The following RALGPS1 variants were observed in gnomAD, a reference collection of about 807,000 sequenced individuals.
RALGPS1 encodes Ral GEF with PH domain and SH3 binding motif 1.
A neutral mutation model predicts 78.8 loss-of-function variants in RALGPS1; 19 were observed. The ratio of observed to expected loss-of-function variants is 0.24; its 90% CI spans 0.17 to 0.35. RALGPS1 has a LOEUF of 0.35. RALGPS1 is among the 10% of genes least tolerant of loss of function. The pLI is 1.00. For missense variants in RALGPS1, 454 were observed against 688.3 expected (o/e 0.66, Z 3.81); for synonymous variants, 228 against 256.3 (o/e 0.89, Z 1.06).
chr9:127,166,252 A>C, intron 9 of RALGPS1, 46 bp downstream of exon 9: 2 of 1,605,494 alleles, frequency 1.2e-6, no homozygotes. Flanking sequence ...CGTCATTGAA[A>C]TTTGGGTCTT....
chr9:127,015,888 TG>T (rs2044769479), intron 4 of RALGPS1, among the ~76,000 whole-genome samples: 1 of 152,090 alleles, frequency 6.6e-6, no homozygotes, highest in East Asian at 1.9e-4. Context: ...CTCCAAAAGA[TG>T]CACCTGATCC....
chr9:126,963,276 A>G (rs1002608109), intron 2 of RALGPS1, among the ~76,000 whole-genome samples: 2 of 152,200 alleles, frequency 1.3e-5, no homozygotes, highest in African/African-American at 4.8e-5. Flanking sequence ...TTTTGTAACT[A>G]GAGGAGTCAG....
chr9:127,030,540 AG>A (rs2046339944), intron 4 of RALGPS1, among the ~76,000 whole-genome samples: 1 of 152,136 alleles, frequency 6.6e-6, no homozygotes, highest in African/African-American at 2.4e-5. Context: ...AGCAGAGAGC[AG>A]GGAAGGCAGG....
In RALGPS1 at chr9:127,091,903, C is replaced by G; in HGVS notation, c.610+22547C>G. 1.2e-6 allele frequency: 2 copies of G among 1,614,142 alleles called. No individual in the cohort carries two copies. Among genetic ancestry groups the G allele is most frequent in the Non-Finnish European group, 1.7e-6 (2 of 1,180,030 alleles). On this transcript the variant is annotated intron_variant, in intron 8 of 18. Transcript: ENST00000259351. The surrounding 1 kb of genome is among the most constrained non-coding windows in gnomAD (Gnocchi z 4.3). The stretch of plus-strand genomic sequence containing the variant: ...CGTCAGCCAGTAAATGTTCTCCAGG[C>G]CCAGCCAGTATTCGCCGTCAATGTT...
chr9:127,148,514 C>A (rs996572099), intron 8 of RALGPS1, among the ~76,000 whole-genome samples: 1 of 152,228 alleles, frequency 6.6e-6, no homozygotes, highest in African/African-American at 2.4e-5. Flanking sequence ...ATGAACAAAC[C>A]TGCTGTGTGC....
intron 8 of RALGPS1, among the ~76,000 whole-genome samples, chr9:127,152,459 G>A (rs1203637670): frequency 6.6e-6 from 1 of 152,218 alleles, no homozygotes; most frequent in African/African-American, 2.4e-5. Context: ...GCAAAAGAGT[G>A]AGTCAGAGCA....
chr9:126,919,892 A>G (rs774415077), intron 1 of RALGPS1, among the ~76,000 whole-genome samples: 3 of 152,130 alleles, frequency 2.0e-5, no homozygotes, highest in African/African-American at 7.2e-5. Flanking sequence ...GCATTGTGTG[A>G]GATCACAGAG....
chr9:127,051,051 C>T (rs897430362), intron 6 of RALGPS1, among the ~76,000 whole-genome samples: 5 of 152,228 alleles, frequency 3.3e-5, no homozygotes, highest in Non-Finnish European at 4.4e-5. Context: ...GAATCGGAGT[C>T]GTGCCTCTCT....
intron 8 of RALGPS1, among the ~76,000 whole-genome samples, chr9:127,078,730 G>A (rs1166897831): frequency 6.6e-6 from 1 of 152,234 alleles, no homozygotes; most frequent in Non-Finnish European, 1.5e-5. Context: ...AACGAGGTAT[G>A]AGCATAAGCC....
In RALGPS1 at chr9:127,211,882, G is replaced by A. The variant is rs1265280717; in HGVS notation, c.1248-249G>A. Among the ~76,000 whole-genome samples, 3 of 152,168 alleles carry A rather than the reference G, an allele frequency of 2.0e-5. No individual in the cohort carries two copies. Among genetic ancestry groups the A allele is most frequent in the Non-Finnish European group, 4.4e-5 (3 of 68,008 alleles). On this transcript the variant is annotated intron_variant, in intron 14 of 18. Coordinates refer to ENST00000259351, the MANE Select transcript of RALGPS1 (RefSeq NM_014636.3). This position sits in a 1 kb window ranked among gnomAD's most constrained non-coding sequence, Gnocchi z 5.0. ...GGTGGGGGTGCTGATCAGGGCCTGGGTTATGAGGAACTTGGTCACCAAGCC... is the reference window on the plus strand; with the variant it reads ...GGTGGGGGTGCTGATCAGGGCCTGGATTATGAGGAACTTGGTCACCAAGCC...
intron 1 of RALGPS1, among the ~76,000 whole-genome samples, chr9:126,934,165 G>T (rs1030592986): frequency 6.6e-6 from 1 of 151,750 alleles, no homozygotes; most frequent in African/African-American, 2.4e-5. Flanking sequence ...GGATGCGTGG[G>T]AAAAGTATTT....
rs563621534 is a variant in RALGPS1 at position 127,138,335 on chromosome 9, A to G, written c.611-27734A>G. On this transcript the variant is annotated intron_variant, in intron 8 of 18. Coordinates refer to ENST00000259351, the MANE Select transcript of RALGPS1 (RefSeq NM_014636.3). ...CATTGTCAGTAAGGAAGAGCTGGGA[A>G]GAGAGGCCAGAATGCCAGGTCCTGC... Among the ~76,000 whole-genome samples, 3 of 152,266 alleles carry G rather than the reference A, an allele frequency of 2.0e-5. No homozygotes were observed. The East Asian group carries it at 5.8e-4, about 29-fold the overall frequency.
At chr9:126,982,827 T>C (rs2041385831) in intron 4 of RALGPS1, among the ~76,000 whole-genome samples, 1 of 88,394 alleles carries the variant, frequency 1.1e-5, no homozygotes, top group African/African-American at 2.7e-5. Flanking sequence ...TCCTTCTTCT[T>C]CCTCTTCTTC....
At chr9:126,991,466 C>G (rs2042277933) in intron 4 of RALGPS1, among the ~76,000 whole-genome samples, 1 of 152,084 alleles carries the variant, frequency 6.6e-6, no homozygotes, top group Non-Finnish European at 1.5e-5. Context: ...ATAAATAACA[C>G]AAAACAGAGC....
intron 4 of RALGPS1, among the ~76,000 whole-genome samples, chr9:127,008,575 C>T (rs1171893618): frequency 2.6e-5 from 4 of 152,092 alleles, no homozygotes; most frequent in African/African-American, 9.7e-5. Flanking sequence ...TAGAATCCTC[C>T]AGAAAGGAAG....
At chr9:127,072,832 T>A (rs568881253) in intron 8 of RALGPS1, among the ~76,000 whole-genome samples, 37 of 152,352 alleles carry the variant, frequency 2.4e-4, no homozygotes, top group Admixed American at 1.9e-3. Flanking sequence ...TGTGAAGTAC[T>A]CCGTACAAAG....
intron 11 of RALGPS1, among the ~76,000 whole-genome samples, chr9:127,193,635 A>G (rs1185953840): frequency 1.3e-5 from 2 of 152,106 alleles, no homozygotes; most frequent in Admixed American, 1.3e-4. Flanking sequence ...GGACATTAAG[A>G]TGACCCAAGC....
At chr9:126,999,222 A>C (rs2043059550) in intron 4 of RALGPS1, among the ~76,000 whole-genome samples, 1 of 152,096 alleles carries the variant, frequency 6.6e-6, no homozygotes, top group Admixed American at 6.5e-5. Flanking sequence ...GAAAGTATAG[A>C]GTGTACATTC....
At chr9:127,198,898 A>C in intron 13 of RALGPS1, 117 bp from the exon 14 acceptor site, 1 of 878,156 alleles carries the variant, frequency 1.1e-6, no homozygotes, top group East Asian at 2.4e-5. Context: ...TCCCAATGTC[A>C]GGAAGCAGTT....
Sources: gnomAD v4.1 joint callset for allele counts (sites outside exome capture counted in the v4.1 genomes callset) on GRCh38, gnomAD v4.1.1 for gene constraint, Gnocchi (gnomAD v3.1) non-coding constraint, MANE v1.5 for transcripts, NCBI Gene and HGNC (gene_info 2026-07-23, HGNC 2026-07-21) for gene names.